The following SNX29 variants were observed in gnomAD, a reference collection of about 807,000 sequenced individuals.
The protein encoded by SNX29 is sorting nexin 29.
SNX29 carries 78 observed loss-of-function variants against 102.1 expected under a neutral mutation model. That is an observed-to-expected ratio of 0.76 (90% CI 0.64 to 0.92). The LOEUF (loss-of-function observed/expected upper bound fraction) is 0.92, where lower values mean the gene tolerates loss of function less well. Ranked by LOEUF, SNX29 falls within the 40% of genes least tolerant of loss-of-function variation. The pLI is 0.00. For synonymous variants in SNX29, 580 were observed against 414.5 expected, an observed-to-expected ratio of 1.40 and a Z score of -4.85; for missense variants, 1,280 against 1,061.7, an observed-to-expected ratio of 1.21 and a Z score of -2.86.
chr16:12,123,244 G>A (rs887294598), intron 11 of SNX29, among the ~76,000 whole-genome samples: 4 of 151,970 alleles, frequency 2.6e-5, no homozygotes, highest in African/African-American at 7.3e-5. Context: ...GAACATATAC[G>A]CCACCTCCCC....
chr16:11,983,915 G>T (rs2055492939), intron 1 of SNX29, among the ~76,000 whole-genome samples: 1 of 151,876 alleles, frequency 6.6e-6, no homozygotes, highest in Non-Finnish European at 1.5e-5. Flanking sequence ...GTTCTCAGGA[G>T]AGAAAAAAAA....
At chr16:12,061,020 G>T (rs1174049299) in intron 8 of SNX29, among the ~76,000 whole-genome samples, 1 of 152,156 alleles carries the variant, frequency 6.6e-6, no homozygotes, top group Admixed American at 6.5e-5. Flanking sequence ...TTCGGAACGT[G>T]GAGCAGATGG....
At chr16:12,078,995 A>C in intron 11 of SNX29, 80 bp downstream of exon 11, 2 of 1,280,714 alleles carry the variant, frequency 1.6e-6, no homozygotes, top group East Asian at 5.0e-5. Flanking sequence ...TTGTGCTTCT[A>C]ACCCTGTGAC....
At position 12,569,961 on chromosome 16, in the gene SNX29, A is replaced by C. The variant is rs2079151646; in HGVS notation, c.*1332A>C. ...AGGTGGAAGGTGACGGTTAGATGGTAAGCCATGGGCTTGTCCTGGAACTGC... is the reference window on the plus strand; with the variant it reads ...AGGTGGAAGGTGACGGTTAGATGGTCAGCCATGGGCTTGTCCTGGAACTGC... On this transcript the variant is annotated 3_prime_UTR_variant, in exon 21 of 21. Transcript: ENST00000566228. The C allele has an allele frequency of 1.3e-5, 3 of 236,226 alleles. No homozygotes were observed. The highest frequency in any genetic ancestry group is 6.1e-5 in the East Asian group (1 of 16,504). 14.6% of individuals were successfully genotyped at this position (236,226 alleles called of 1,614,324 possible).
chr16:12,552,488 G>A (rs1349667504), intron 20 of SNX29, among the ~76,000 whole-genome samples: 4 of 152,204 alleles, frequency 2.6e-5, no homozygotes, highest in South Asian at 4.1e-4. Context: ...TTGGGCCTCA[G>A]GAATCTTGCT....
At chr16:12,441,004 C>T (rs557723717) in intron 18 of SNX29, among the ~76,000 whole-genome samples, 83 of 151,836 alleles carry the variant, frequency 5.5e-4, no homozygotes, top group African/African-American at 1.5e-3. Flanking sequence ...TCATACAATA[C>T]GTGGCCTTCT....
At position 12,569,792 on chromosome 16, in the gene SNX29, C is replaced by A. The variant is rs527510042; in HGVS notation, c.*1163C>A. 4.3e-6 allele frequency: 1 copy of A among 230,278 alleles called. No individual in the cohort carries two copies. The highest frequency in any genetic ancestry group is 8.6e-6 in the Non-Finnish European group (1 of 116,260). 14.3% of individuals were successfully genotyped at this position (230,278 alleles called of 1,614,324 possible). A position where few individuals can be genotyped will look rare whatever the true frequency, so the allele number is the denominator to read the frequency against. ...CACCTCACAGAGCAATAGCCGTCCTCAGATGCTCAGCAAAGTTGTGGCAGT... is the reference window on the plus strand; with the variant it reads ...CACCTCACAGAGCAATAGCCGTCCTAAGATGCTCAGCAAAGTTGTGGCAGT... On this transcript the variant is annotated 3_prime_UTR_variant, in exon 21 of 21. Transcript: ENST00000566228.
chr16:12,241,769 C>G (rs1188376784), intron 14 of SNX29, among the ~76,000 whole-genome samples: 2 of 152,162 alleles, frequency 1.3e-5, no homozygotes, highest in African/African-American at 4.8e-5. Context: ...GCCTCCCTGG[C>G]CTATCTTTGT....
chr16:12,254,850 C>T (rs1044024051), intron 14 of SNX29, among the ~76,000 whole-genome samples: 3 of 152,222 alleles, frequency 2.0e-5, no homozygotes, highest in Non-Finnish European at 4.4e-5. Flanking sequence ...CAGTGGACTG[C>T]AGGGGTGAGA....
intron 20 of SNX29, among the ~76,000 whole-genome samples, chr16:12,550,197 G>A (rs2077882140): frequency 6.6e-6 from 1 of 152,172 alleles, no homozygotes; most frequent in African/African-American, 2.4e-5. Flanking sequence ...TTACTAAGAG[G>A]ATAAAGCATG....
chr16:12,411,105 C>G (rs1597284261), intron 18 of SNX29, among the ~76,000 whole-genome samples: 1 of 152,228 alleles, frequency 6.6e-6, no homozygotes, highest in South Asian at 2.1e-4. Context: ...TGAGAAGCCT[C>G]TGCCTTAGCA....
At chr16:12,274,351 G>C (rs560898318) in intron 14 of SNX29, among the ~76,000 whole-genome samples, 1 of 152,042 alleles carries the variant, frequency 6.6e-6, no homozygotes, top group African/African-American at 2.4e-5. Flanking sequence ...TCTGTCCCCT[G>C]TGTTCTCAAG....
chr16:12,412,257 C>T (rs911973121), intron 18 of SNX29, among the ~76,000 whole-genome samples: 11 of 152,222 alleles, frequency 7.2e-5, no homozygotes, highest in African/African-American at 2.7e-4. Context: ...ATAGATGAAG[C>T]AGCTGTGACT....
At chr16:12,126,527 C>A in intron 11 of SNX29, 106 bp from the exon 12 acceptor site, 1 of 1,176,850 alleles carries the variant, frequency 8.5e-7, no homozygotes, top group Non-Finnish European at 1.2e-6. Flanking sequence ...GAAAAGGGAA[C>A]TTATCTAGAC....
chr16:12,362,999 T>A (rs2151336397), intron 16 of SNX29, among the ~76,000 whole-genome samples: 1 of 152,220 alleles, frequency 6.6e-6, no homozygotes, highest in African/African-American at 2.4e-5. Context: ...CTCTGTGCCA[T>A]GCTCCCTCTG....
At chr16:12,018,970 T>A (rs189115160) in intron 3 of SNX29, among the ~76,000 whole-genome samples, 342 of 152,112 alleles carry the variant, frequency 2.2e-3, no homozygotes, top group African/African-American at 6.8e-3. Flanking sequence ...TGTTTTTTTT[T>A]ATTTAATATT....
intron 14 of SNX29, among the ~76,000 whole-genome samples, chr16:12,233,279 C>T (rs1252035866): frequency 2.6e-5 from 4 of 152,146 alleles, no homozygotes; most frequent in Non-Finnish European, 5.9e-5. Context: ...GAAATCTTGC[C>T]CTTTGCAGCA....
At chr16:12,452,584 A>G (rs928461588) in intron 18 of SNX29, among the ~76,000 whole-genome samples, 2 of 151,804 alleles carry the variant, frequency 1.3e-5, no homozygotes, top group Admixed American at 6.6e-5. Context: ...TGGGGAGGGC[A>G]TCTGAGCTGA....
chr16:12,291,897 G>C (rs1267564845), intron 15 of SNX29, among the ~76,000 whole-genome samples: 1 of 152,222 alleles, frequency 6.6e-6, no homozygotes, highest in Admixed American at 6.5e-5. Flanking sequence ...GAGTGAGTGA[G>C]AGCCAGATCA....
Sources: allele counts gnomAD v4.1 joint callset (sites outside exome capture counted in the v4.1 genomes callset), GRCh38; gene constraint gnomAD v4.1.1; transcripts MANE v1.5; gene names NCBI Gene and HGNC (gene_info 2026-07-23, HGNC 2026-07-21).